ATP6V0D1: variants seen among roughly 807,000 people sequenced by gnomAD.
The protein encoded by ATP6V0D1 is ATPase H+ transporting V0 subunit d1, also known as V-type proton ATPase subunit d 1.
In ATP6V0D1, 13 loss-of-function variants were observed where a neutral mutation model predicts 39.0. The observed-to-expected ratio is 0.33, with a 90% confidence interval of 0.22 to 0.53. The LOEUF (loss-of-function observed/expected upper bound fraction) is 0.53, where lower values mean the gene tolerates loss of function less well. Among genes scored for constraint, ATP6V0D1 ranks in the 20% least tolerant of loss-of-function variants. ATP6V0D1 has a pLI of 0.94. For synonymous variants in ATP6V0D1, 191 were observed against 191.2 expected (o/e 1.00, Z 0.01); for missense variants, 272 against 470.9 (o/e 0.58, Z 3.91).
intron 1 of ATP6V0D1, among the ~76,000 whole-genome samples, chr16:67,470,479 G>A (rs1233265500): frequency 3.9e-5 from 6 of 152,294 alleles, no homozygotes; most frequent in East Asian, 3.9e-4. Context: ...AGGTGTCCTC[G>A]TTAGGCCACA....
chr16:67,474,053 G>A (rs2041396230), intron 1 of ATP6V0D1, among the ~76,000 whole-genome samples: 1 of 152,168 alleles, frequency 6.6e-6, no homozygotes. Context: ...TGCACTTACT[G>A]TGCACTCAAT....
Position 67,444,734 on chromosome 16 carries a change from C to T in ATP6V0D1, c.303-28G>A, listed in dbSNP as rs1168853593. ...ACAGGGGGCAGGCAATAGCAAGGAG[C>T]CCATCAAGGTGGGGGCCGGGAAGTC... is the stretch of plus-strand genomic sequence containing the variant. On this transcript the variant is annotated intron_variant, in intron 2 of 7. Transcript: ENST00000290949. This position sits in a 1 kb window ranked among gnomAD's most constrained non-coding sequence, Gnocchi z 4.8. 9.0e-6 allele frequency: 14 copies of T among 1,557,314 alleles called. No homozygotes were observed. The highest frequency in any genetic ancestry group is 1.2e-5 in the Non-Finnish European group (14 of 1,147,746).
At chr16:67,479,839 G>A (rs895658526) in intron 1 of ATP6V0D1, among the ~76,000 whole-genome samples, 3 of 152,124 alleles carry the variant, frequency 2.0e-5, no homozygotes, top group Admixed American at 6.5e-5. Context: ...TGGAGCGGGA[G>A]TGGTTGGCAA....
intron 2 of ATP6V0D1, chr16:67,452,401 G>A (rs994020612): frequency 7.2e-5 from 111 of 1,535,436 alleles, no homozygotes; most frequent in Non-Finnish European, 9.3e-5. Flanking sequence ...TCTTGAGCAA[G>A]TGGATCCTGG....
intron 2 of ATP6V0D1, among the ~76,000 whole-genome samples, chr16:67,448,637 G>C (rs2041143676): frequency 6.7e-6 from 1 of 148,736 alleles, no homozygotes; most frequent in Non-Finnish European, 1.5e-5. Context: ...TCTGGCCTGT[G>C]CGACAGAGTG....
chr16:67,456,644 C>G lies in ATP6V0D1; in HGVS notation c.131-2929G>C, dbSNP rs1452450136. The stretch of plus-strand genomic sequence containing the variant: ...TATTCACACAGCCACTGCAGCCAGC[C>G]AAGAGCCCTTCTCAGGCCAGGAGAC... On this transcript the variant is annotated intron_variant, in intron 1 of 7. Transcript: ENST00000290949. This position sits in a 1 kb window ranked among gnomAD's most constrained non-coding sequence, Gnocchi z 4.1. 2.0e-5 allele frequency: 3 copies of G among 152,274 alleles called. No individual in the cohort carries two copies. The highest frequency in any genetic ancestry group is 7.2e-5 in the African/African-American group (3 of 41,456). The allele number at this position is 152,274 out of a possible 1,614,324, so 9.4% of individuals were successfully genotyped here. A position where few individuals can be genotyped will look rare whatever the true frequency, so the allele number is the denominator to read the frequency against.
chr16:67,446,234 G>A (rs1322698182), intron 2 of ATP6V0D1, among the ~76,000 whole-genome samples: 1 of 152,142 alleles, frequency 6.6e-6, no homozygotes, highest in Non-Finnish European at 1.5e-5. Flanking sequence ...CCTCTAGAAA[G>A]GCGGCAGGAG....
rs991781969 is a variant in ATP6V0D1, at chr16:67,447,741, C to T, written c.303-3035G>A. Among the ~76,000 whole-genome samples, 10 of 152,190 alleles carry T rather than the reference C, an allele frequency of 6.6e-5. No individual in the cohort carries two copies. Among genetic ancestry groups the T allele is most frequent in the Non-Finnish European group, 1.2e-4 (8 of 68,024 alleles). Reference sequence around the variant, plus strand: ...GAAGCCACTTCCTCCAAGAAGCCTTCAGAGTCCCTAGCCAACTCTGCCCCT... The same window carrying T: ...GAAGCCACTTCCTCCAAGAAGCCTTTAGAGTCCCTAGCCAACTCTGCCCCT... On this transcript the variant is annotated intron_variant, in intron 2 of 7. Transcript: ENST00000290949. The surrounding 1 kb of genome is among the most constrained non-coding windows in gnomAD (Gnocchi z 4.1).
chr16:67,444,711 A>AG lies in ATP6V0D1; in HGVS notation c.303-6dup. ...TTGTCGATCATGTAACTGTAACTACAGGGGGCAGGCAATAGCAAGGAGCCC... is the reference window on the plus strand; with the variant it reads ...TTGTCGATCATGTAACTGTAACTACAGGGGGGCAGGCAATAGCAAGGAGCCC... On this transcript the variant is annotated splice_polypyrimidine_tract_variant and splice_region_variant and intron_variant, in intron 2 of 7. Transcript: ENST00000290949. The surrounding 1 kb of genome is among the most constrained non-coding windows in gnomAD (Gnocchi z 4.8). The AG allele has an allele frequency of 1.3e-6, 2 of 1,588,516 alleles. No homozygotes were observed. The highest frequency in any genetic ancestry group is 1.7e-6 in the Non-Finnish European group (2 of 1,163,250).
rs1422444105 is a variant in ATP6V0D1 at position 67,447,244 on chromosome 16, C to T, written c.303-2538G>A. Among the ~76,000 whole-genome samples, 1 of 152,270 alleles carries T rather than the reference C, an allele frequency of 6.6e-6. No homozygotes were observed. Among genetic ancestry groups the T allele is most frequent in the Admixed American group, 6.5e-5 (1 of 15,290 alleles). ...GGGCGATCCTGTGCCAGGCCCAGCACTTCCCTTGCCGGGCTGGCTATAAGC... is the reference window on the plus strand; with the variant it reads ...GGGCGATCCTGTGCCAGGCCCAGCATTTCCCTTGCCGGGCTGGCTATAAGC... On this transcript the variant is annotated intron_variant, in intron 2 of 7. Coordinates refer to ENST00000290949, the MANE Select transcript of ATP6V0D1 (RefSeq NM_004691.5). The surrounding 1 kb of genome is among the most constrained non-coding windows in gnomAD (Gnocchi z 4.1).
chr16:67,474,928 C>T (rs1231617404), intron 1 of ATP6V0D1, among the ~76,000 whole-genome samples: 1 of 152,166 alleles, frequency 6.6e-6, no homozygotes, highest in Non-Finnish European at 1.5e-5. Flanking sequence ...ACTTATTCTT[C>T]CCCCAGCCTT....
In ATP6V0D1 at chr16:67,453,972, C is replaced by T. The variant is rs1042380515; in HGVS notation, c.131-257G>A. 1.3e-5 allele frequency among the ~76,000 whole-genome samples: 2 copies of T among 152,192 alleles called. No homozygotes were observed. Among genetic ancestry groups the T allele is most frequent in the Non-Finnish European group, 2.9e-5 (2 of 68,042 alleles). ...GAGCATAAGAGGAACAGTTCCTCCC[C>T]AAGATGACAAGAAAGCCTGGGAAAT... On this transcript the variant is annotated intron_variant, in intron 1 of 7. Transcript: ENST00000290949. This position sits in a 1 kb window ranked among gnomAD's most constrained non-coding sequence, Gnocchi z 4.1.
At chr16:67,442,823 G>A (rs532494791) in intron 4 of ATP6V0D1, among the ~76,000 whole-genome samples, 10 of 152,260 alleles carry the variant, frequency 6.6e-5, no homozygotes, top group African/African-American at 2.2e-4. Context: ...CTGGGGGAGC[G>A]GCTGTCCAGG....
chr16:67,443,988 C>T (rs1203919979), intron 3 of ATP6V0D1, among the ~76,000 whole-genome samples: 1 of 152,212 alleles, frequency 6.6e-6, no homozygotes, highest in African/African-American at 2.4e-5. Context: ...ACTAGCACTG[C>T]CTAAGCAGGG....
chr16:67,443,006 T>C, intron 4 of ATP6V0D1, 93 bp downstream of exon 4: 1 of 1,337,814 alleles, frequency 7.5e-7, no homozygotes, highest in Non-Finnish European at 1.1e-6. Flanking sequence ...AGCTGCATCC[T>C]GTCCCAGCAC....
At position 67,443,140 on chromosome 16, in the gene ATP6V0D1, C is replaced by T; in HGVS notation, c.520G>A (p.Asp174Asn). 6.2e-7 allele frequency: 1 copy of T among 1,613,970 alleles called. No homozygotes were observed. Among genetic ancestry groups the T allele is most frequent in the Non-Finnish European group, 8.5e-7 (1 of 1,179,980 alleles). Residue 174 changes from aspartate to asparagine, a missense_variant, in exon 4 of 8, where the codon GAC (aspartate) becomes AAC (asparagine). By Grantham distance (23) the Asp-to-Asn change is conservative. Transcript: ENST00000290949. ...FQDCISEQDL[D>N]EMNIEIIRNT... ...CGGATGATCTCGATGTTCATCTCGT[C>T]AAGGTCCTGCTCTGAAATGCAGTCC...
intron 5 of ATP6V0D1, 58 bp downstream of exon 5, chr16:67,439,216 G>A: frequency 6.2e-7 from 1 of 1,613,824 alleles, no homozygotes; most frequent in Non-Finnish European, 8.5e-7. Flanking sequence ...AGTTGGCAGA[G>A]CCTCCCCAGG....
rs1028429327 is a variant in ATP6V0D1 at position 67,447,564 on chromosome 16, C to T, written c.303-2858G>A. Among the ~76,000 whole-genome samples the T allele has an allele frequency of 6.6e-6, 1 of 152,100 alleles. No homozygotes were observed. Among genetic ancestry groups the T allele is most frequent in the African/African-American group, 2.4e-5 (1 of 41,448 alleles). On this transcript the variant is annotated intron_variant, in intron 2 of 7. Coordinates refer to ENST00000290949, the MANE Select transcript of ATP6V0D1 (RefSeq NM_004691.5). The surrounding 1 kb of genome is among the most constrained non-coding windows in gnomAD (Gnocchi z 4.1). ...AGCATCTCCCTCCAGGGGAAGACAG[C>T]TGGGGAGTGGAGGGCCGGCTGCCCG... is the stretch of plus-strand genomic sequence containing the variant.
intron 1 of ATP6V0D1, chr16:67,457,180 C>T (rs1011745660): frequency 3.6e-5 from 8 of 220,642 alleles, no homozygotes; most frequent in Admixed American, 5.2e-5. Context: ...ATGGGCTGTA[C>T]GGTGTACTCA....
Sources: gnomAD v4.1 joint callset for allele counts (sites outside exome capture counted in the v4.1 genomes callset) on GRCh38, gnomAD v4.1.1 for gene constraint, Gnocchi (gnomAD v3.1) non-coding constraint, MANE v1.5 for transcripts, NCBI Gene and HGNC (gene_info 2026-07-23, HGNC 2026-07-21) for gene names.